Variants in ADARB1 observed in about 807,000 individuals in gnomAD.
ADARB1 encodes adenosine deaminase RNA specific B1, also known as double-stranded RNA-specific editase 1.
In ADARB1, 10 loss-of-function variants were observed where a neutral mutation model predicts 52.4. The ratio of observed to expected loss-of-function variants is 0.19; its 90% confidence interval spans 0.12 to 0.32. The LOEUF (loss-of-function observed/expected upper bound fraction) is 0.32. Among genes scored for constraint, ADARB1 ranks in the 10% least tolerant of loss-of-function variants. The probability of loss-of-function intolerance (pLI) is 1.00; values close to 1 mark genes in which losing one functional copy is unlikely to be tolerated. For missense variants in ADARB1, 643 were observed against 922.3 expected (o/e 0.70, Z 3.92); for synonymous variants, 349 against 371.1 (o/e 0.94, Z 0.68).
intron 4 of ADARB1, chr21:45,177,348 C>T (rs1378925502): frequency 6.6e-6 from 1 of 152,362 alleles, no homozygotes; most frequent in Non-Finnish European, 1.5e-5. Flanking sequence ...TGTATGAGGA[C>T]TTCCCCGCAT....
Position 45,175,759 on chromosome 21 carries a change from C to G in ADARB1, c.58C>G (p.Arg20Gly). 2 of 1,614,080 alleles carry G rather than the reference C, an allele frequency of 1.2e-6. No homozygotes were observed. The highest frequency in any genetic ancestry group is 1.7e-6 in the Non-Finnish European group (2 of 1,179,982). The change falls in exon 4 of 11, where the codon CGC becomes GGC. Residue 20 changes from arginine to glycine, a missense_variant. Coordinates refer to ENST00000348831, the MANE Select transcript of ADARB1 (RefSeq NM_001112.4). ...CAGCAGCACTGATGTGAAGGAAAACCGCAATCTGGACAACGTGTCCCCCAA... is the reference window on the plus strand; with the variant it reads ...CAGCAGCACTGATGTGAAGGAAAACGGCAATCTGGACAACGTGTCCCCCAA... ...SSSSTDVKEN[R>G]NLDNVSPKDG... is the part of the protein sequence containing the mutation.
intron 1 of ADARB1, among the ~76,000 whole-genome samples, chr21:45,119,409 G>A (rs2088020682): frequency 6.6e-6 from 1 of 152,206 alleles, no homozygotes; most frequent in South Asian, 2.1e-4. Flanking sequence ...ACTCTCAGTG[G>A]CAAAATTAGT....
intron 8 of ADARB1, among the ~76,000 whole-genome samples, chr21:45,202,535 C>T (rs1030362135): frequency 2.0e-5 from 3 of 152,088 alleles, no homozygotes; most frequent in African/African-American, 4.8e-5. Context: ...GGCTGTGCCA[C>T]GGAGTGAGTG....
chr21:45,155,073 T>C (rs1272987834), intron 2 of ADARB1, among the ~76,000 whole-genome samples: 1 of 152,260 alleles, frequency 6.6e-6, no homozygotes, highest in Non-Finnish European at 1.5e-5. Context: ...CTGAGTGTTT[T>C]GTTTGTCCCC....
Position 45,208,636 on chromosome 21 carries a change from G to T in ADARB1, c.1747+3900G>T. On this transcript the variant is annotated intron_variant, in intron 9 of 10. Coordinates refer to ENST00000348831, the MANE Select transcript of ADARB1 (RefSeq NM_001112.4). This position sits in a 1 kb window ranked among gnomAD's most constrained non-coding sequence, Gnocchi z 5.6. ...TGTGTGTATGTGTGCGTGTGTGTGTGTGTGAGTGCATGTGAGTGTGTGCAT... is the reference window on the plus strand; with the variant it reads ...TGTGTGTATGTGTGCGTGTGTGTGTTTGTGAGTGCATGTGAGTGTGTGCAT... 6.6e-6 allele frequency among the ~76,000 whole-genome samples: 1 copy of T among 152,022 alleles called. No homozygotes were observed. Among genetic ancestry groups the T allele is most frequent in the South Asian group, 2.1e-4 (1 of 4,822 alleles).
At chr21:45,111,890 G>C (rs2087556286) in intron 1 of ADARB1, among the ~76,000 whole-genome samples, 2 of 152,232 alleles carry the variant, frequency 1.3e-5, no homozygotes, top group Non-Finnish European at 1.5e-5. Context: ...TGGGCTGGCT[G>C]TGAGCACACG....
intron 1 of ADARB1, among the ~76,000 whole-genome samples, chr21:45,078,146 G>A (rs2086018908): frequency 6.6e-6 from 1 of 152,124 alleles, no homozygotes; most frequent in Admixed American, 6.5e-5. Context: ...AAAGAAAAGT[G>A]ACTTTGGTTT....
At chr21:45,186,223 A>T (rs2092100911) in intron 8 of ADARB1, among the ~76,000 whole-genome samples, 1 of 152,174 alleles carries the variant, frequency 6.6e-6, no homozygotes, top group Non-Finnish European at 1.5e-5. Context: ...TTACATTTTC[A>T]TTCAACCTAT....
chr21:45,180,525 C>A, intron 5 of ADARB1, 81 bp downstream of exon 5: 1 of 1,137,808 alleles, frequency 8.8e-7, no homozygotes, highest in Non-Finnish European at 1.3e-6. Context: ...ACAAAAACCA[C>A]TGTGCCACAC....
chr21:45,191,849 CATATATATATATAT>C (rs1182713084), intron 8 of ADARB1, among the ~76,000 whole-genome samples: 198 of 87,390 alleles, frequency 2.3e-3, no homozygotes, highest in African/African-American at 9.6e-3. Flanking sequence ...ACATCCAGTC[CATATATATATATAT>C]ATATATATAT....
intron 9 of ADARB1, among the ~76,000 whole-genome samples, chr21:45,217,073 GT>G (rs1367815043): frequency 2.6e-5 from 4 of 151,642 alleles, no homozygotes; most frequent in African/African-American, 9.7e-5. Flanking sequence ...TTATATTAAA[GT>G]ACTTTATCTT....
At chr21:45,082,115 A>T (rs1359944567) in intron 1 of ADARB1, among the ~76,000 whole-genome samples, 1 of 152,150 alleles carries the variant, frequency 6.6e-6, no homozygotes, top group Non-Finnish European at 1.5e-5. Flanking sequence ...GATGGTGATG[A>T]TGTGATGATG....
chr21:45,183,309 A>C, intron 6 of ADARB1, 53 bp from the exon 7 acceptor site: 1 of 1,508,286 alleles, frequency 6.6e-7, no homozygotes, highest in Non-Finnish European at 8.9e-7. Context: ...GATAGACTAA[A>C]ATTTAACTAT....
intron 1 of ADARB1, among the ~76,000 whole-genome samples, chr21:45,099,317 A>G (rs2086898331): frequency 6.6e-6 from 1 of 152,170 alleles, no homozygotes; most frequent in South Asian, 2.1e-4. Flanking sequence ...TGCCTAGTAT[A>G]CAGCCTGTTA....
chr21:45,209,138 C>T (rs562295185), intron 9 of ADARB1, among the ~76,000 whole-genome samples: 2 of 152,168 alleles, frequency 1.3e-5, no homozygotes, highest in African/African-American at 4.8e-5. Flanking sequence ...TTGGGAAAAG[C>T]TGAAATATTG....
chr21:45,178,382 G>T (rs374644108), intron 4 of ADARB1, among the ~76,000 whole-genome samples: 2 of 152,238 alleles, frequency 1.3e-5, no homozygotes, highest in South Asian at 4.1e-4. Flanking sequence ...GGCTCTGTAG[G>T]TGCTGAACAC....
chr21:45,206,186 C>A lies in ADARB1; in HGVS notation c.1747+1450C>A, dbSNP rs114042217. Among the ~76,000 whole-genome samples, 531 of 152,288 alleles carry A rather than the reference C, an allele frequency of 3.5e-3. 4 individuals carry two copies. Among genetic ancestry groups the A allele is most frequent in the African/African-American group, 0.012 (486 of 41,558 alleles). Reference sequence around the variant, plus strand: ...TTGCTCTCTGTCTTCTGTACTTGAGCAAAGAGTGCTTTAATTTTAGCTGTC... The same window carrying A: ...TTGCTCTCTGTCTTCTGTACTTGAGAAAAGAGTGCTTTAATTTTAGCTGTC... On this transcript the variant is annotated intron_variant, in intron 9 of 10. Coordinates refer to ENST00000348831, the MANE Select transcript of ADARB1 (RefSeq NM_001112.4).
At chr21:45,085,677 T>C (rs1403998680) in intron 1 of ADARB1, among the ~76,000 whole-genome samples, 3 of 152,244 alleles carry the variant, frequency 2.0e-5, no homozygotes, top group African/African-American at 7.2e-5. Context: ...TCTGCACTTT[T>C]TGTTGTCACG....
chr21:45,085,520 A>G (rs1601256836), intron 1 of ADARB1, among the ~76,000 whole-genome samples: 1 of 152,338 alleles, frequency 6.6e-6, no homozygotes, highest in East Asian at 1.9e-4. Context: ...CATTCTCGAT[A>G]TGAATGAAAG....
Sources: allele counts gnomAD v4.1 joint callset (sites outside exome capture counted in the v4.1 genomes callset), GRCh38; gene constraint gnomAD v4.1.1; non-coding constraint Gnocchi (gnomAD v3.1); transcripts MANE v1.5; gene names NCBI Gene and HGNC (gene_info 2026-07-23, HGNC 2026-07-21).